The following KDM4E variants were observed in gnomAD, a reference collection of about 807,000 sequenced individuals.
The protein encoded by KDM4E is lysine-specific demethylase 4E.
For missense variants in KDM4E, 576 were observed against 642.6 expected, an observed-to-expected ratio of 0.90 and a Z score of 1.12; for synonymous variants, 229 against 232.9, an observed-to-expected ratio of 0.98 and a Z score of 0.15.
rs1555102528 is a variant in KDM4E at position 95,025,394 on chromosome 11, T to C, written c.-164T>C. On this transcript the variant is annotated 5_prime_UTR_variant, in exon 1 of 1. Transcript: ENST00000450979. ...TCCCCCTGGGGAGTCAGAAAGCCTG[T>C]GAAAGATCTCACTTGTTCAAAAGTC... 1 of 1,030,798 alleles carries C rather than the reference T, an allele frequency of 9.7e-7. No homozygotes were observed. The highest frequency in any genetic ancestry group is 1.6e-5 in the African/African-American group (1 of 62,022). 63.9% of individuals were successfully genotyped at this position (1,030,798 alleles called of 1,614,324 possible).
In KDM4E at chr11:95,025,858, T is replaced by C. The variant is rs530819451; in HGVS notation, c.301T>C (p.Leu101=). The C allele has an allele frequency of 6.3e-7, 1 of 1,595,736 alleles. No homozygotes were observed. The highest frequency in any genetic ancestry group is 8.5e-7 in the Non-Finnish European group (1 of 1,176,508). The part of the protein sequence containing the change: ...KAMRVGQYRR[L]ANSKKYQTPP... ...CATGAGGGTGGGGCAGTATCGCCGC[T>C]TGGCAAACAGTAAAAAATATCAGAC... is the stretch of plus-strand genomic sequence containing the variant. Residue 101 remains leucine, a synonymous_variant, in exon 1 of 1, where the codon TTG becomes CTG. Coordinates refer to ENST00000450979, the MANE Select transcript of KDM4E (RefSeq NM_001161630.1).
chr11:95,025,796 G>A lies in KDM4E; in HGVS notation c.239G>A (p.Gly80Glu). ...CTCCAGCAGGTGACCTCTGGGCAGG[G>A]AGGTGTGTTTACTCAATACCATAAA... is the stretch of plus-strand genomic sequence containing the variant. ...TPLQQVTSGQ[G>E]GVFTQYHKKK... The change falls in exon 1 of 1, where the codon GGA becomes GAA. Residue 80 changes from glycine to glutamate, a missense_variant. Transcript: ENST00000450979. 6.3e-7 allele frequency: 1 copy of A among 1,591,836 alleles called. No individual in the cohort carries two copies. Among genetic ancestry groups the A allele is most frequent in the Non-Finnish European group, 8.5e-7 (1 of 1,174,546 alleles).
In KDM4E at chr11:95,025,935, C is replaced by A; in HGVS notation, c.378C>A (p.His126Gln). 6.4e-7 allele frequency: 1 copy of A among 1,572,198 alleles called. No homozygotes were observed. ...ADLEQRYWKS[H>Q]PGNPPIYGAD... ...TGGAGCAACGATACTGGAAGAGCCA[C>A]CCCGGTAATCCACCAATTTATGGTG... The change falls in exon 1 of 1, where the codon CAC becomes CAA. Residue 126 changes from histidine to glutamine, a missense_variant. Transcript: ENST00000450979.
Position 95,027,144 on chromosome 11 carries a change from G to T in KDM4E, c.*66G>T. On this transcript the variant is annotated 3_prime_UTR_variant, in exon 1 of 1. Transcript: ENST00000450979. ...CTGTGTCCCTGATCTTCAACTCCTG[G>T]GGCCCCCACTGGATCGTGATGAAAC... is the stretch of plus-strand genomic sequence containing the variant. 2.7e-6 allele frequency: 4 copies of T among 1,504,418 alleles called. No homozygotes were observed. Among genetic ancestry groups the T allele is most frequent in the Non-Finnish European group, 3.5e-6 (4 of 1,131,878 alleles). The allele number at this position is 1,504,418 out of a possible 1,614,324, so 93.2% of individuals were successfully genotyped here.
In KDM4E at chr11:95,027,236, C is replaced by A. The variant is rs909471703; in HGVS notation, c.*158C>A. ...CTAGTAATCTCCCTGATGTTGTCTG[C>A]ATGACTCCTCCCAATGTCATTGTGC... On this transcript the variant is annotated 3_prime_UTR_variant, in exon 1 of 1. Transcript: ENST00000450979. The A allele has an allele frequency of 3.1e-5, 31 of 996,874 alleles. No individual in the cohort carries two copies. The highest frequency in any genetic ancestry group is 4.4e-5 in the Non-Finnish European group (31 of 700,246). 61.8% of individuals were successfully genotyped at this position (996,874 alleles called of 1,614,324 possible). A position where few individuals can be genotyped will look rare whatever the true frequency, so the allele number is the denominator to read the frequency against.
chr11:95,026,096 G>C lies in KDM4E; in HGVS notation c.539G>C (p.Gly180Ala), dbSNP rs1021277490. The change falls in exon 1 of 1, where the codon GGC (glycine) becomes GCC (alanine). Residue 180 changes from glycine to alanine, a missense_variant. Gly to Ala is a moderately conservative substitution (Grantham distance 60). Transcript: ENST00000450979. ...GTCAACACACCCTACCTGTACTTTG[G>C]CATGTGGAAGACCACGTTTGCCTGG... The part of the protein sequence containing the change: ...EGVNTPYLYF[G>A]MWKTTFAWHT... 11 of 1,613,920 alleles carry C rather than the reference G, an allele frequency of 6.8e-6. No individual in the cohort carries two copies. Among genetic ancestry groups the C allele is most frequent in the African/African-American group, 2.7e-5 (2 of 74,906 alleles).
In KDM4E at chr11:95,027,256, T is replaced by C. The variant is rs1163570137; in HGVS notation, c.*178T>C. 28 of 883,878 alleles carry C rather than the reference T, an allele frequency of 3.2e-5. No individual in the cohort carries two copies. Among genetic ancestry groups the C allele is most frequent in the Admixed American group, 1.8e-4 (6 of 34,160 alleles). The allele number at this position is 883,878 out of a possible 1,614,324, so 54.8% of individuals were successfully genotyped here. ...GTCTGCATGACTCCTCCCAATGTCATTGTGCCTTTGATTAAGTTTTCCAGG... is the reference window on the plus strand; with the variant it reads ...GTCTGCATGACTCCTCCCAATGTCACTGTGCCTTTGATTAAGTTTTCCAGG... On this transcript the variant is annotated 3_prime_UTR_variant, in exon 1 of 1. Transcript: ENST00000450979.
rs781909805 is a variant in KDM4E, at chr11:95,026,564, G to GGCA, written c.1008_1010dup (p.Gln337dup). 5 of 1,539,784 alleles carry GGCA rather than the reference G, an allele frequency of 3.2e-6. No individual in the cohort carries two copies. The South Asian group carries it at 5.9e-5, about 18-fold the overall frequency. ...GAGAGTTATGAGCTCTGGAAACACA[G>GGCA]GCAAGACTTGGCCATTGTGGAACAC... On this transcript the variant is annotated inframe_insertion, in exon 1 of 1. Coordinates refer to ENST00000450979, the MANE Select transcript of KDM4E (RefSeq NM_001161630.1).
chr11:95,026,265 G>A lies in KDM4E; in HGVS notation c.708G>A (p.Glu236=). Residue 236 remains glutamate, a synonymous_variant, in exon 1 of 1, where the codon GAG becomes GAA. Transcript: ENST00000450979. ...TCCCAGACATTTCTCGGGGCTGTGA[G>A]GCCTTCCTGCGGCACAAAGTGGCCC... The part of the protein sequence containing the change: ...ELFPDISRGC[E]AFLRHKVALI... 1 of 1,614,112 alleles carries A rather than the reference G, an allele frequency of 6.2e-7. No individual in the cohort carries two copies. Among genetic ancestry groups the A allele is most frequent in the Non-Finnish European group, 8.5e-7 (1 of 1,180,026 alleles).
In KDM4E at chr11:95,025,894, C is replaced by G. The variant is rs187284166; in HGVS notation, c.337C>G (p.Gln113Glu). 5 of 1,585,544 alleles carry G rather than the reference C, an allele frequency of 3.2e-6. No individual in the cohort carries two copies. The highest frequency in any genetic ancestry group is 1.4e-5 in the African/African-American group (1 of 73,762). ...TAAAAAATATCAGACTCCGCCACAC[C>G]AGAATTTTGCAGATTTGGAGCAACG... is the stretch of plus-strand genomic sequence containing the variant. ...NSKKYQTPPHQNFADLEQRYW... is the reference protein window; with the variant it reads ...NSKKYQTPPHENFADLEQRYW... The change falls in exon 1 of 1, where the codon CAG (glutamine) becomes GAG (glutamate). Residue 113 changes from glutamine to glutamate, a missense_variant. Transcript: ENST00000450979.
chr11:95,026,109 C>T lies in KDM4E; in HGVS notation c.552C>T (p.Thr184=), dbSNP rs1177236320. 3.7e-6 allele frequency: 6 copies of T among 1,613,998 alleles called. No individual in the cohort carries two copies. Among genetic ancestry groups the T allele is most frequent in the Non-Finnish European group, 5.1e-6 (6 of 1,179,966 alleles). Residue 184 remains threonine (T), a synonymous_variant, in exon 1 of 1, where the codon ACC becomes ACT. Coordinates refer to ENST00000450979, the MANE Select transcript of KDM4E (RefSeq NM_001161630.1). The part of the protein sequence containing the change: ...TPYLYFGMWK[T]TFAWHTEDMD... ...ACCTGTACTTTGGCATGTGGAAGAC[C>T]ACGTTTGCCTGGCACACAGAGGACA...
At position 95,026,942 on chromosome 11, in the gene KDM4E, G is replaced by C. The variant is rs782315057; in HGVS notation, c.1385G>C (p.Arg462Pro). The stretch of plus-strand genomic sequence containing the variant: ...GGTCGTGGTCATGGTTGTTGTACTC[G>C]AGAACTGGGGACTGAGGAGCCAACT... Reference protein sequence around the residue: ...SRGRGHGCCTRELGTEEPTVQ... With the variant: ...SRGRGHGCCTPELGTEEPTVQ... Residue 462 changes from arginine to proline, a missense_variant, in exon 1 of 1, where the codon CGA becomes CCA. Physicochemically the swap from Arg to Pro is moderately radical, Grantham distance 103. Transcript: ENST00000450979. 3.3e-6 allele frequency: 5 copies of C among 1,537,206 alleles called. No homozygotes were observed. The highest frequency in any genetic ancestry group is 2.0e-5 in the Admixed American group (1 of 50,994).
Position 95,026,630 on chromosome 11 carries a change from G to A in KDM4E, c.1073G>A (p.Trp358Ter). Residue 358 changes from tryptophan (W) to a stop codon, truncating the protein, a stop_gained, in exon 1 of 1, where the codon TGG becomes TAG. Coordinates refer to ENST00000450979, the MANE Select transcript of KDM4E (RefSeq NM_001161630.1). LOFTEE classifies it low-confidence loss of function (END_TRUNC). ...RVAESQELSN[W>*]RDDIVLRRAA... ...GCAGAAAGCCAAGAGCTGAGCAACTGGAGAGATGATATAGTACTTAGAAGA... is the reference window on the plus strand; with the variant it reads ...GCAGAAAGCCAAGAGCTGAGCAACTAGAGAGATGATATAGTACTTAGAAGA... 1 of 1,537,298 alleles carries A rather than the reference G, an allele frequency of 6.5e-7. No individual in the cohort carries two copies.
At position 95,026,585 on chromosome 11, in the gene KDM4E, A is replaced by AAC; in HGVS notation, c.1034_1035dup (p.Glu346GlnfsTer11). 6.5e-7 allele frequency: 1 copy of AAC among 1,538,060 alleles called. No individual in the cohort carries two copies. The highest frequency in any genetic ancestry group is 8.7e-7 in the Non-Finnish European group (1 of 1,147,224). ...CACAGGCAAGACTTGGCCATTGTGGAACACACAGAGCCCAGGGTTGCAGAA... is the reference window on the plus strand; with the variant it reads ...CACAGGCAAGACTTGGCCATTGTGGAACACACACAGAGCCCAGGGTTGCAGAA... On this transcript the variant is annotated frameshift_variant, in exon 1 of 1. Transcript: ENST00000450979. LOFTEE classifies it low-confidence loss of function (END_TRUNC).
chr11:95,026,683 A>G lies in KDM4E; in HGVS notation c.1126A>G (p.Asn376Asp). 6.5e-7 allele frequency: 1 copy of G among 1,537,238 alleles called. No homozygotes were observed. Among genetic ancestry groups the G allele is most frequent in the Middle Eastern group, 1.7e-4 (1 of 5,990 alleles). Residue 376 changes from asparagine (N) to aspartate (D), a missense_variant, in exon 1 of 1, where the codon AAC becomes GAC. Physicochemically the swap from Asn to Asp is conservative, Grantham distance 23. Coordinates refer to ENST00000450979, the MANE Select transcript of KDM4E (RefSeq NM_001161630.1). ...TGCTCTGGGCCTGAGGCTTCTCCCAAACCTCACAGCCCAGTGTCCCACACA... is the reference window on the plus strand; with the variant it reads ...TGCTCTGGGCCTGAGGCTTCTCCCAGACCTCACAGCCCAGTGTCCCACACA... ...RAALGLRLLP[N>D]LTAQCPTQPV...
rs782684932 is a variant in KDM4E at position 95,026,788 on chromosome 11, G to C, written c.1231G>C (p.Ala411Pro). 8 of 1,537,228 alleles carry C rather than the reference G, an allele frequency of 5.2e-6. No individual in the cohort carries two copies. Among genetic ancestry groups the C allele is most frequent in the Non-Finnish European group, 6.1e-6 (7 of 1,146,900 alleles). The change falls in exon 1 of 1, where the codon GCA (alanine) becomes CCA (proline). Residue 411 changes from alanine (A) to proline (P), a missense_variant. Ala to Pro is a conservative substitution (Grantham distance 27, BLOSUM62 -1). Coordinates refer to ENST00000450979, the MANE Select transcript of KDM4E (RefSeq NM_001161630.1). ...GCCTGGATCCGCATTCCAAAGCTCT[G>C]CATATCATACCCAGACCCAGTCACT... The part of the protein sequence containing the change: ...AVPGSAFQSS[A>P]YHTQTQSLTL...
rs1047148953 is a variant in KDM4E at position 95,026,934 on chromosome 11, T to C, written c.1377T>C (p.Cys459=). ...RGCSRGRGHG[C]CTRELGTEEP... is the part of the protein sequence containing the mutation. ...GCAGTCGTGGTCGTGGTCATGGTTG[T>C]TGTACTCGAGAACTGGGGACTGAGG... The change falls in exon 1 of 1, where the codon TGT becomes TGC. Residue 459 remains cysteine (C), a synonymous_variant. Coordinates refer to ENST00000450979, the MANE Select transcript of KDM4E (RefSeq NM_001161630.1). 5 of 1,537,134 alleles carry C rather than the reference T, an allele frequency of 3.3e-6. No homozygotes were observed. Among genetic ancestry groups the C allele is most frequent in the East Asian group, 2.4e-5 (1 of 40,930 alleles).
rs1462130342 is a variant in KDM4E at position 95,025,696 on chromosome 11, A to C, written c.139A>C (p.Lys47Gln). Residue 47 changes from lysine to glutamine, a missense_variant, in exon 1 of 1, where the codon AAG (lysine) becomes CAG (glutamine). Lys to Gln is a moderately conservative substitution (Grantham distance 53). Transcript: ENST00000450979. ...AGGCGCACATCAAGCTGGCCTTGCC[A>C]AGGTAATTCCACCCAAGGAATGGAA... The part of the protein sequence containing the change: ...SQGAHQAGLA[K>Q]VIPPKEWKAR... 2 of 1,559,058 alleles carry C rather than the reference A, an allele frequency of 1.3e-6. No individual in the cohort carries two copies. The highest frequency in any genetic ancestry group is 1.7e-6 in the Non-Finnish European group (2 of 1,157,820).
rs61895517 is a variant in KDM4E, at chr11:95,026,221, C to T, written c.664C>T (p.Arg222Cys). 1,086 of 1,614,150 alleles carry T rather than the reference C, an allele frequency of 6.7e-4. 5 individuals are homozygous for T. Among genetic ancestry groups the T allele is most frequent in the African/African-American group, 2.2e-3 (166 of 75,028 alleles). Reference sequence around the variant, plus strand: ...CCCAGAACATGGTCAGCACCTGGAACGCCTGGCCAGGGAGCTCTTCCCAGA... The same window carrying T: ...CCCAGAACATGGTCAGCACCTGGAATGCCTGGCCAGGGAGCTCTTCCCAGA... ...VPPEHGQHLE[R>C]LARELFPDIS... Residue 222 changes from arginine (R) to cysteine (C), a missense_variant, in exon 1 of 1, where the codon CGC (arginine) becomes TGC (cysteine). By Grantham distance (180) the Arg-to-Cys change is radical. Transcript: ENST00000450979.
Sources: allele counts gnomAD v4.1 joint callset, GRCh38; gene constraint gnomAD v4.1.1; transcripts MANE v1.5; gene names NCBI Gene and HGNC (gene_info 2026-07-23, HGNC 2026-07-21).